PTK2: variants seen among roughly 807,000 people sequenced by gnomAD.
PTK2 encodes the protein protein tyrosine kinase 2.
PTK2 carries 45 observed loss-of-function variants against 150.1 expected under a neutral mutation model. The observed-to-expected ratio is 0.30, with a 90% CI of 0.24 to 0.38. The LOEUF (loss-of-function observed/expected upper bound fraction) is 0.38. Among genes scored for constraint, PTK2 ranks in the 10% least tolerant of loss-of-function variants. The probability of loss-of-function intolerance (pLI) is 1.00; values close to 1 mark genes in which losing one functional copy is unlikely to be tolerated. For synonymous variants in PTK2, 432 were observed against 449.2 expected (o/e 0.96, Z 0.48); for missense variants, 919 against 1,307.3 (o/e 0.70, Z 4.58).
intron 1 of PTK2, among the ~76,000 whole-genome samples, chr8:140,967,326 A>C (rs1490625825): frequency 6.6e-6 from 1 of 152,248 alleles, no homozygotes; most frequent in Non-Finnish European, 1.5e-5. Flanking sequence ...GTAATGTTCA[A>C]TATGACATAT....
intron 1 of PTK2, among the ~76,000 whole-genome samples, chr8:140,975,063 C>A (rs2100188778): frequency 6.6e-6 from 1 of 152,272 alleles, no homozygotes; most frequent in Non-Finnish European, 1.5e-5. Context: ...GCCCTTAAGT[C>A]CTTCATTTAT....
chr8:140,695,466 A>G (rs1227151029), intron 26 of PTK2, among the ~76,000 whole-genome samples: 1 of 149,376 alleles, frequency 6.7e-6, no homozygotes, highest in Non-Finnish European at 1.5e-5. Flanking sequence ...GCTGGAGTGT[A>G]GTGGAACAAT....
intron 3 of PTK2, among the ~76,000 whole-genome samples, chr8:140,886,380 G>C (rs904856180): frequency 7.5e-4 from 114 of 152,296 alleles, no homozygotes; most frequent in African/African-American, 2.6e-3. Flanking sequence ...GAACAAGATG[G>C]GGGGATAGAG....
At chr8:140,736,385 G>A (rs1037139470) in intron 21 of PTK2, among the ~76,000 whole-genome samples, 3 of 152,154 alleles carry the variant, frequency 2.0e-5, no homozygotes, top group African/African-American at 7.2e-5. Flanking sequence ...AGGGAGGGAA[G>A]GAGGTGGGTA....
chr8:140,872,548 G>T (rs749897423), intron 4 of PTK2, among the ~76,000 whole-genome samples: 1 of 152,166 alleles, frequency 6.6e-6, no homozygotes, highest in Non-Finnish European at 1.5e-5. Flanking sequence ...GGACTGACTG[G>T]GGAAGCGCTG....
At chr8:140,705,151 T>C (rs2154134791) in intron 24 of PTK2, among the ~76,000 whole-genome samples, 1 of 152,314 alleles carries the variant, frequency 6.6e-6, no homozygotes, top group Non-Finnish European at 1.5e-5. Context: ...TGTTCTAAAC[T>C]ACCACTGACA....
At chr8:140,734,636 A>T (rs1592791858) in intron 22 of PTK2, 1 of 456,212 alleles carries the variant, frequency 2.2e-6, no homozygotes, top group Non-Finnish European at 4.4e-6. Context: ...GGCACAAAGT[A>T]GTAGCCACAA....
chr8:140,771,778 CA>C (rs1420925842), intron 14 of PTK2, among the ~76,000 whole-genome samples: 14 of 146,338 alleles, frequency 9.6e-5, no homozygotes, highest in African/African-American at 3.2e-4. Flanking sequence ...ATCCTATTAA[CA>C]TTTTTTTTTT....
chr8:140,735,391 A>T, exon 22 of PTK2: 3 of 1,614,160 alleles, frequency 1.9e-6, no homozygotes, highest in Non-Finnish European at 2.5e-6. Context: ...GACCGATTAC[A>T]TCATTGTTCT....
At chr8:140,950,792 C>T (rs1465830422) in intron 1 of PTK2, among the ~76,000 whole-genome samples, 6 of 152,074 alleles carry the variant, frequency 3.9e-5, no homozygotes, top group Admixed American at 1.3e-4. Context: ...CCCTCACCCC[C>T]GCACTGTTCA....
intron 5 of PTK2, among the ~76,000 whole-genome samples, chr8:140,846,961 C>T (rs950175806): frequency 2.6e-5 from 4 of 151,932 alleles, no homozygotes; most frequent in Non-Finnish European, 5.9e-5. Context: ...AAGATATAAA[C>T]GTGAGTTATA....
At chr8:140,949,118 TTTTCTTAATA>T (rs1189693438) in intron 1 of PTK2, among the ~76,000 whole-genome samples, 30 of 152,272 alleles carry the variant, frequency 2.0e-4, no homozygotes, top group African/African-American at 5.3e-4. Context: ...AATAAGTATA[TTTTCTTAATA>T]TTTCTTAATA....
intron 5 of PTK2, among the ~76,000 whole-genome samples, chr8:140,850,768 CTTCT>C (rs1445962927): frequency 6.6e-6 from 1 of 152,060 alleles, no homozygotes; most frequent in African/African-American, 2.4e-5. Flanking sequence ...TGGATTTGGA[CTTCT>C]TTCTTTGTGC....
At chr8:140,957,199 C>T (rs942289014) in intron 1 of PTK2, among the ~76,000 whole-genome samples, 7 of 152,068 alleles carry the variant, frequency 4.6e-5, no homozygotes, top group East Asian at 1.9e-4. Context: ...TTTGGGAGGC[C>T]GAGGCAGATG....
chr8:140,698,489 T>C (rs963397940), intron 26 of PTK2, among the ~76,000 whole-genome samples: 4 of 152,210 alleles, frequency 2.6e-5, no homozygotes, highest in Admixed American at 6.5e-5. Flanking sequence ...AGTCTGACTC[T>C]GTCACCCAGG....
intron 8 of PTK2, chr8:140,820,548 G>C (rs1234536226): frequency 6.7e-6 from 1 of 150,300 alleles, no homozygotes; most frequent in African/African-American, 2.5e-5. Context: ...GTGAGAAGTA[G>C]TCAAGTAGTC....
chr8:140,917,278 C>T (rs1473177123), intron 2 of PTK2, among the ~76,000 whole-genome samples: 1 of 151,718 alleles, frequency 6.6e-6, no homozygotes, highest in African/African-American at 2.4e-5. Context: ...GTAATCCCAG[C>T]TACTTGGGAG....
intron 2 of PTK2, among the ~76,000 whole-genome samples, chr8:140,906,192 C>G (rs2100160809): frequency 6.6e-6 from 1 of 151,944 alleles, no homozygotes; most frequent in Non-Finnish European, 1.5e-5. Flanking sequence ...GTTGTAATAC[C>G]TATTATAAAA....
At chr8:140,894,437 T>G (rs920950671) in intron 2 of PTK2, among the ~76,000 whole-genome samples, 4 of 152,216 alleles carry the variant, frequency 2.6e-5, no homozygotes, top group African/African-American at 9.6e-5. Flanking sequence ...TGCATAAGGT[T>G]ATTCACTGCA....
Sources: allele counts gnomAD v4.1 joint callset (sites outside exome capture counted in the v4.1 genomes callset), GRCh38; gene constraint gnomAD v4.1.1; transcripts MANE v1.5; gene names NCBI Gene and HGNC (gene_info 2026-07-23, HGNC 2026-07-21).